The following PTN variants were observed in gnomAD, a reference collection of about 807,000 sequenced individuals.
PTN encodes the protein pleiotrophin, also known as heparin affin regulatory protein.
PTN carries 18 observed loss-of-function variants against 24.1 expected under a neutral mutation model. The observed-to-expected ratio is 0.75, with a 90% CI of 0.52 to 1.11. The LOEUF is 1.11. PTN is among the 50% of genes least tolerant of loss of function. The pLI is 0.00. For synonymous variants in PTN, 78 were observed against 68.6 expected (o/e 1.14, Z -0.67); for missense variants, 163 against 198.8 (o/e 0.82, Z 1.08).
chr7:137,253,147 G>C (rs1340706909), intron 3 of PTN, among the ~76,000 whole-genome samples: 1 of 152,144 alleles, frequency 6.6e-6, no homozygotes, highest in Non-Finnish European at 1.5e-5. Flanking sequence ...TCCCAACCAG[G>C]GATGATTTTG....
intron 1 of PTN, among the ~76,000 whole-genome samples, chr7:137,274,387 A>G (rs1307565043): frequency 6.6e-6 from 1 of 152,146 alleles, no homozygotes; most frequent in Admixed American, 6.5e-5. Flanking sequence ...ATATACTTTA[A>G]GTTCTGGGGT....
Position 137,251,345 on chromosome 7 carries a change from G to A in PTN, c.336C>T (p.Asn112=), listed in dbSNP as rs528438337. The A allele has an allele frequency of 1.2e-6, 2 of 1,614,076 alleles. No homozygotes were observed. Among genetic ancestry groups the A allele is most frequent in the South Asian group, 2.2e-5 (2 of 91,078 alleles). Residue 112 remains asparagine (N), a synonymous_variant, in exon 4 of 5, where the codon AAC becomes AAT. Transcript: ENST00000348225. The stretch of plus-strand genomic sequence containing the variant: ...TTCCAGTTCTGGTCTTCAGGGCTGT[G>A]TTCAGGTCACATTCTCCCCAGGCCT... ...QFQAWGECDL[N]TALKTRTGSL... is the part of the protein sequence containing the mutation.
intron 1 of PTN, among the ~76,000 whole-genome samples, chr7:137,283,899 T>A (rs1406875790): frequency 6.7e-6 from 1 of 148,338 alleles, no homozygotes; most frequent in Non-Finnish European, 1.5e-5. Context: ...TCCTTCTACC[T>A]AATGATTTAA....
chr7:137,320,763 A>T (rs552761855), intron 1 of PTN, among the ~76,000 whole-genome samples: 1 of 152,098 alleles, frequency 6.6e-6, no homozygotes, highest in Non-Finnish European at 1.5e-5. Context: ...TGGCTTGTCA[A>T]TTGAATTTTA....
At chr7:137,332,789 C>G (rs958237512) in intron 1 of PTN, among the ~76,000 whole-genome samples, 2 of 152,122 alleles carry the variant, frequency 1.3e-5, no homozygotes, top group African/African-American at 4.8e-5. Context: ...AGCCAACAAT[C>G]TGATGTTCAT....
chr7:137,249,198 T>C (rs1808778803), intron 4 of PTN, among the ~76,000 whole-genome samples: 1 of 152,008 alleles, frequency 6.6e-6, no homozygotes, highest in Non-Finnish European at 1.5e-5. Context: ...TTCCACCTAA[T>C]CATGTCCCCA....
At chr7:137,234,392 T>C (rs1275441265) in intron 4 of PTN, among the ~76,000 whole-genome samples, 1 of 152,032 alleles carries the variant, frequency 6.6e-6, no homozygotes, top group Non-Finnish European at 1.5e-5. Context: ...AAACTCCAGA[T>C]ATGTGTCGGG....
At chr7:137,265,662 A>G (rs1429473846) in intron 1 of PTN, among the ~76,000 whole-genome samples, 2 of 152,192 alleles carry the variant, frequency 1.3e-5, no homozygotes, top group African/African-American at 4.8e-5. Context: ...GAAAACAGCT[A>G]CCATGCAGCC....
At chr7:137,330,890 T>C (rs1776138157) in intron 1 of PTN, among the ~76,000 whole-genome samples, 1 of 152,130 alleles carries the variant, frequency 6.6e-6, no homozygotes, top group African/African-American at 2.4e-5. Flanking sequence ...CTCCTTAGGA[T>C]ACACCATGAC....
chr7:137,304,960 A>T (rs1809863844), intron 1 of PTN, among the ~76,000 whole-genome samples: 1 of 152,090 alleles, frequency 6.6e-6, no homozygotes, highest in African/African-American at 2.4e-5. Flanking sequence ...CGGCCGTATT[A>T]TTTAGACTAC....
At chr7:137,266,510 C>T (rs1258647517) in intron 1 of PTN, among the ~76,000 whole-genome samples, 2 of 131,590 alleles carry the variant, frequency 1.5e-5, no homozygotes, top group Admixed American at 7.0e-5. Flanking sequence ...AATTCTTCCA[C>T]ATGCTCAACT....
At chr7:137,240,532 G>T in intron 4 of PTN, among the ~76,000 whole-genome samples, 1 of 152,188 alleles carries the variant, frequency 6.6e-6, no homozygotes, top group East Asian at 1.9e-4. Flanking sequence ...AAGAACAGTA[G>T]AAATGTATGA....
intron 4 of PTN, among the ~76,000 whole-genome samples, chr7:137,230,741 CA>C (rs1808413059): frequency 6.6e-6 from 1 of 151,820 alleles, no homozygotes; most frequent in Non-Finnish European, 1.5e-5. Context: ...ACCTAGTATA[CA>C]TGATGGGTTT....
chr7:137,262,004 AGTTT>A (rs577739075), intron 1 of PTN, among the ~76,000 whole-genome samples: 145 of 149,264 alleles, frequency 9.7e-4, no homozygotes, highest in Admixed American at 2.8e-3. Flanking sequence ...TTCTATGGCT[AGTTT>A]TGGGGAAAAA....
chr7:137,342,068 T>G (rs906850330), intron 1 of PTN, among the ~76,000 whole-genome samples: 1 of 152,186 alleles, frequency 6.6e-6, no homozygotes, highest in Non-Finnish European at 1.5e-5. Context: ...AAAATACAGC[T>G]TTATTTTCTG....
chr7:137,275,665 AT>A (rs946810369), intron 1 of PTN, among the ~76,000 whole-genome samples: 5 of 150,828 alleles, frequency 3.3e-5, no homozygotes, highest in African/African-American at 9.7e-5. Context: ...AAAAAATTGT[AT>A]TGGCAAACTG....
Position 137,227,982 on chromosome 7 carries a change from T to G in PTN, c.*38A>C. 6.2e-7 allele frequency: 1 copy of G among 1,601,776 alleles called. No individual in the cohort carries two copies. Among genetic ancestry groups the G allele is most frequent in the Non-Finnish European group, 8.5e-7 (1 of 1,175,170 alleles). ...AAATGCAATAGTTAACTGATCCTGT[T>G]TGCTGATGTCCTTTTTATGTTCCAC... On this transcript the variant is annotated 3_prime_UTR_variant, in exon 5 of 5. Transcript: ENST00000348225.
At chr7:137,261,416 C>A (rs978768946) in intron 1 of PTN, among the ~76,000 whole-genome samples, 3 of 151,840 alleles carry the variant, frequency 2.0e-5, no homozygotes, top group Non-Finnish European at 4.4e-5. Flanking sequence ...AATATTAAAC[C>A]CACCAATTAT....
intron 1 of PTN, among the ~76,000 whole-genome samples, chr7:137,304,120 T>TA (rs900172992): frequency 4.1e-4 from 62 of 152,120 alleles, no homozygotes; most frequent in African/African-American, 1.4e-3. Flanking sequence ...AACACTATCT[T>TA]AAAAAACACT....
Sources: allele counts gnomAD v4.1 joint callset (sites outside exome capture counted in the v4.1 genomes callset), GRCh38; gene constraint gnomAD v4.1.1; transcripts MANE v1.5; gene names NCBI Gene and HGNC (gene_info 2026-07-23, HGNC 2026-07-21).